The following HCN2 variants were observed in gnomAD, a reference collection of about 807,000 sequenced individuals.
The protein encoded by HCN2 is potassium/sodium hyperpolarization-activated cyclic nucleotide-gated channel 2.
Under a neutral mutation model 52.3 loss-of-function variants are expected in HCN2, and 20 were observed. That is an observed-to-expected ratio of 0.38 (90% CI 0.27 to 0.56). HCN2 has a LOEUF of 0.56. Ranked by LOEUF, HCN2 falls within the 20% of genes least tolerant of loss-of-function variation. The pLI, the probability that HCN2 is intolerant of heterozygous loss-of-function variation, is 0.71. For missense variants in HCN2, 981 were observed against 1,207.7 expected, an observed-to-expected ratio of 0.81 and a Z score of 2.78; for synonymous variants, 694 against 537.0, an observed-to-expected ratio of 1.29 and a Z score of -4.04.
intron 1 of HCN2, among the ~76,000 whole-genome samples, chr19:601,593 T>C (rs2144513044): frequency 6.6e-6 from 1 of 150,934 alleles, no homozygotes; most frequent in Middle Eastern, 3.4e-3. Context: ...ATCAAGCTGG[T>C]GTGAACACGG....
Position 616,496 on chromosome 19 carries a change from GC to G in HCN2, c.*25del. 8.3e-7 allele frequency: 1 copy of G among 1,204,668 alleles called. No individual in the cohort carries two copies. Among genetic ancestry groups the G allele is most frequent in the Non-Finnish European group, 1.0e-6 (1 of 966,812 alleles). 74.6% of individuals were successfully genotyped at this position (1,204,668 alleles called of 1,614,324 possible). A position where few individuals can be genotyped will look rare whatever the true frequency, so the allele number is the denominator to read the frequency against. On this transcript the variant is annotated 3_prime_UTR_variant, in exon 8 of 8. Coordinates refer to ENST00000251287, the MANE Select transcript of HCN2 (RefSeq NM_001194.4). Reference sequence around the variant, plus strand: ...GTGACCCTCGCCGACCGCCCCGCGGGCCCAGGCGGGCCGGGGGCGGGGCCGT... The same window carrying G: ...GTGACCCTCGCCGACCGCCCCGCGGGCCAGGCGGGCCGGGGGCGGGGCCGT...
At position 616,869 on chromosome 19, in the gene HCN2, A is replaced by G. The variant is rs1455397467; in HGVS notation, c.*395A>G. On this transcript the variant is annotated 3_prime_UTR_variant, in exon 8 of 8. Coordinates refer to ENST00000251287, the MANE Select transcript of HCN2 (RefSeq NM_001194.4). Reference sequence around the variant, plus strand: ...CCGAGGAGGATCGTTTTCTAAGTGCAATACTTGGCCCGCCGGCTTCCCGCT... The same window carrying G: ...CCGAGGAGGATCGTTTTCTAAGTGCGATACTTGGCCCGCCGGCTTCCCGCT... The G allele has an allele frequency of 4.8e-6, 1 of 207,016 alleles. No homozygotes were observed. The highest frequency in any genetic ancestry group is 9.3e-6 in the Non-Finnish European group (1 of 107,028). 12.8% of individuals were successfully genotyped at this position (207,016 alleles called of 1,614,324 possible). A position where few individuals can be genotyped will look rare whatever the true frequency, so the allele number is the denominator to read the frequency against.
intron 2 of HCN2, 118 bp from the exon 3 acceptor site, chr19:604,943 G>T: frequency 9.0e-7 from 1 of 1,116,206 alleles, no homozygotes; most frequent in Non-Finnish European, 1.2e-6. Context: ...CCTGTGCGGG[G>T]CCTTGGATTT....
chr19:597,372 T>C (rs1286913249), intron 1 of HCN2, among the ~76,000 whole-genome samples: 1 of 152,146 alleles, frequency 6.6e-6, no homozygotes, highest in African/African-American at 2.4e-5. Flanking sequence ...ACCCCAAGAA[T>C]AAAGGGGGAG....
At chr19:612,393 G>GGTGGGGGTGTGTGTGTGTGTGT (rs1215986490) in intron 5 of HCN2, among the ~76,000 whole-genome samples, 4 of 141,766 alleles carry the variant, frequency 2.8e-5, no homozygotes, top group African/African-American at 1.0e-4. Context: ...GCTTTCCACT[G>GGTGGGGGTGTGTGTGTGTGTGT]GTGTGTGTGT....
intron 3 of HCN2, 26 bp downstream of exon 3, chr19:605,248 G>C (rs368674625): frequency 6.2e-7 from 1 of 1,606,978 alleles, no homozygotes; most frequent in Non-Finnish European, 8.5e-7. Flanking sequence ...CCTGACGGAG[G>C]GGGAGACGCA....
Position 605,844 on chromosome 19 carries a change from A to C in HCN2, c.1218+622A>C, listed in dbSNP as rs539235945. On this transcript the variant is annotated intron_variant, in intron 3 of 7. Coordinates refer to ENST00000251287, the MANE Select transcript of HCN2 (RefSeq NM_001194.4). Reference sequence around the variant, plus strand: ...ACAGAGGGAGAGACACAGGCCCTTCAGGGGTGGGGACAAGACCCCCTTACA... The same window carrying C: ...ACAGAGGGAGAGACACAGGCCCTTCCGGGGTGGGGACAAGACCCCCTTACA... Among the ~76,000 whole-genome samples, 122 of 151,422 alleles carry C rather than the reference A, an allele frequency of 8.1e-4. 1 individual carries two copies. Among genetic ancestry groups the C allele is most frequent in the African/African-American group, 2.9e-3 (120 of 41,010 alleles).
In HCN2 at chr19:616,057, G is replaced by C. The variant is rs55691080; in HGVS notation, c.2253G>C (p.Ala751=). ...QVARPLVGPL[A]LGSPRLVRRP... The stretch of plus-strand genomic sequence containing the variant: ...CGCGGCCGCTCGTGGGGCCGCTGGC[G>C]CTCGGCTCGCCGCGCCTCGTGCGCC... Residue 751 remains alanine, a synonymous_variant, in exon 8 of 8, where the codon GCG becomes GCC. Transcript: ENST00000251287. 0.21 allele frequency: 248,818 copies of C among 1,189,254 alleles called. 26,423 individuals are homozygous for C. The highest frequency in any genetic ancestry group is 0.3 in the Middle Eastern group (880 of 2,948). 73.7% of individuals were successfully genotyped at this position (1,189,254 alleles called of 1,614,324 possible). A position where few individuals can be genotyped will look rare whatever the true frequency, so the allele number is the denominator to read the frequency against.
rs1257455454 is a variant in HCN2, at chr19:616,365, C to T, written c.2561C>T (p.Ala854Val). 7.4e-6 allele frequency: 9 copies of T among 1,222,502 alleles called. No homozygotes were observed. The highest frequency in any genetic ancestry group is 9.3e-6 in the Non-Finnish European group (9 of 971,214). The allele number at this position is 1,222,502 out of a possible 1,614,324, so 75.7% of individuals were successfully genotyped here. A position where few individuals can be genotyped will look rare whatever the true frequency, so the allele number is the denominator to read the frequency against. Reference protein sequence around the residue: ...STPRLGPTPAARAAAPSPDRR... With the variant: ...STPRLGPTPAVRAAAPSPDRR... The stretch of plus-strand genomic sequence containing the variant: ...CCGCGCTTGGGGCCCACGCCCGCTG[C>T]CCGGGCCGCCGCGCCCAGCCCGGAC... Residue 854 changes from alanine to valine, a missense_variant, in exon 8 of 8, where the codon GCC becomes GTC. Ala to Val is a moderately conservative substitution (Grantham distance 64). Around this residue, in one of 6 missense-constraint regions of HCN2, gnomAD observed 368 missense variants for 314.8 expected, o/e 1.17. Coordinates refer to ENST00000251287, the MANE Select transcript of HCN2 (RefSeq NM_001194.4).
rs1356035831 is a variant in HCN2 at position 592,420 on chromosome 19, AG to A, written c.632+1845del. Among the ~76,000 whole-genome samples, 1 of 152,008 alleles carries A rather than the reference AG, an allele frequency of 6.6e-6. No individual in the cohort carries two copies. The highest frequency in any genetic ancestry group is 1.5e-5 in the Non-Finnish European group (1 of 67,976). On this transcript the variant is annotated intron_variant, in intron 1 of 7. Coordinates refer to ENST00000251287, the MANE Select transcript of HCN2 (RefSeq NM_001194.4). This position sits in a 1 kb window ranked among gnomAD's most constrained non-coding sequence, Gnocchi z 4.8. ...GGGGCTTGGGGGGAAGGCCGGTGGT[AG>A]GAGTGAAGCCCTCTCATCCTTCCAC...
At chr19:602,101 C>CCT (rs1473963917) in intron 1 of HCN2, among the ~76,000 whole-genome samples, 179 of 94,406 alleles carry the variant, frequency 1.9e-3, no homozygotes, top group Middle Eastern at 8.5e-3. Flanking sequence ...CACTTCCTCC[C>CCT]CTCTCCTCCT....
At chr19:597,999 C>G (rs973353814) in intron 1 of HCN2, among the ~76,000 whole-genome samples, 2 of 152,192 alleles carry the variant, frequency 1.3e-5, no homozygotes, top group African/African-American at 4.8e-5. Context: ...GGTTTTGTCC[C>G]AAGACTGGTG....
Position 613,899 on chromosome 19 carries a change from G to A in HCN2, c.1873G>A (p.Asp625Asn), listed in dbSNP as rs750444405. The change falls in exon 7 of 8, where the codon GAC becomes AAC. Residue 625 changes from aspartate (D) to asparagine (N), a missense_variant. Physicochemically the swap from Asp to Asn is conservative, Grantham distance 23. Around this residue, in one of 6 missense-constraint regions of HCN2, gnomAD observed 85 missense variants for 106.1 expected, o/e 0.80. Coordinates refer to ENST00000251287, the MANE Select transcript of HCN2 (RefSeq NM_001194.4). ...CCGCCGCACGGCGAGCGTGCGGGCT[G>A]ACACCTACTGCCGCCTCTATTCGCT... is the stretch of plus-strand genomic sequence containing the variant. ...RGRRTASVRA[D>N]TYCRLYSLSV... The A allele has an allele frequency of 1.2e-6, 2 of 1,601,194 alleles. No homozygotes were observed. Among genetic ancestry groups the A allele is most frequent in the Non-Finnish European group, 1.7e-6 (2 of 1,173,816 alleles).
At chr19:595,148 G>C (rs888420133) in intron 1 of HCN2, among the ~76,000 whole-genome samples, 3 of 152,226 alleles carry the variant, frequency 2.0e-5, no homozygotes, top group African/African-American at 7.2e-5. Context: ...GCTGCAGTGA[G>C]CTATGATCGT....
intron 7 of HCN2, 85 bp from the exon 8 acceptor site, chr19:615,710 C>A: frequency 2.2e-6 from 3 of 1,362,176 alleles, no homozygotes; most frequent in Non-Finnish European, 3.1e-6. Flanking sequence ...ACTGTGTGCG[C>A]ACCCGCGGTG....
At position 617,097 on chromosome 19, in the gene HCN2, CCCCCACG is replaced by C. The variant is rs540089508; in HGVS notation, c.*629_*635del. Reference sequence around the variant, plus strand: ...GAGGCAGCAGTGCCCCCACCGTGGCCCCCCACGCCCCATTAACCCCCACACCCCCATT... The same window carrying C: ...GAGGCAGCAGTGCCCCCACCGTGGCCCCCCATTAACCCCCACACCCCCATT... On this transcript the variant is annotated 3_prime_UTR_variant, in exon 8 of 8. Coordinates refer to ENST00000251287, the MANE Select transcript of HCN2 (RefSeq NM_001194.4). The C allele has an allele frequency of 4.7e-3, 2,358 of 503,320 alleles. 41 individuals carry two copies. The highest frequency in any genetic ancestry group is 6.6e-3 in the Non-Finnish European group (1,830 of 277,872). 31.2% of individuals were successfully genotyped at this position (503,320 alleles called of 1,614,324 possible). A position where few individuals can be genotyped will look rare whatever the true frequency, so the allele number is the denominator to read the frequency against.
chr19:602,701 C>G (rs933080067), intron 1 of HCN2, among the ~76,000 whole-genome samples: 2 of 152,216 alleles, frequency 1.3e-5, no homozygotes, highest in Non-Finnish European at 2.9e-5. Flanking sequence ...ATTTTTTTAA[C>G]GCCAACCTTG....
intron 4 of HCN2, among the ~76,000 whole-genome samples, chr19:609,632 G>A (rs1983539380): frequency 6.6e-6 from 1 of 152,244 alleles, no homozygotes. Context: ...AGGGCAGGGT[G>A]GTGCACACCT....
chr19:605,102 G>A lies in HCN2; in HGVS notation c.1098G>A (p.Arg366=). ...MTYDLASAVM[R]ICNLISMMLL... is the part of the protein sequence containing the mutation. ...ATGACCTGGCCAGCGCGGTGATGAG[G>A]ATCTGCAATCTCATCAGCATGATGC... The change falls in exon 3 of 8, where the codon AGG becomes AGA. Residue 366 remains arginine, a synonymous_variant. Coordinates refer to ENST00000251287, the MANE Select transcript of HCN2 (RefSeq NM_001194.4). 1.9e-6 allele frequency: 3 copies of A among 1,611,998 alleles called. No individual in the cohort carries two copies. The highest frequency in any genetic ancestry group is 2.5e-6 in the Non-Finnish European group (3 of 1,179,532).
Sources: allele counts gnomAD v4.1 joint callset (sites outside exome capture counted in the v4.1 genomes callset), GRCh38; gene constraint gnomAD v4.1.1; regional missense constraint gnomAD v4.1.1; non-coding constraint Gnocchi (gnomAD v3.1); transcripts MANE v1.5; gene names NCBI Gene and HGNC (gene_info 2026-07-23, HGNC 2026-07-21).